The following STARD9 variants were observed in gnomAD, a reference collection of about 807,000 sequenced individuals.
STARD9 encodes stAR-related lipid transfer protein 9.
Under a neutral mutation model 399.8 loss-of-function variants are expected in STARD9, and 346 were observed. The observed-to-expected ratio is 0.87, with a 90% confidence interval of 0.79 to 0.95. The LOEUF is 0.95. Ranked by LOEUF, STARD9 falls within the 40% of genes least tolerant of loss-of-function variation. The probability of loss-of-function intolerance (pLI) is 0.00; values close to 1 mark genes in which losing one functional copy is unlikely to be tolerated. For synonymous variants in STARD9, 2,203 were observed against 2,143.5 expected, an observed-to-expected ratio of 1.03 and a Z score of -0.77; for missense variants, 5,832 against 5,667.5, an observed-to-expected ratio of 1.03 and a Z score of -0.93.
At position 42,717,930 on chromosome 15, in the gene STARD9, C is replaced by T. The variant is rs2061379722; in HGVS notation, c.13560-47C>T. Reference sequence around the variant, plus strand: ...GCCCCTCCTTTGTGACCCTTAGAGCCCATTTTTGACCCCTTTCTATTTTCT... The same window carrying T: ...GCCCCTCCTTTGTGACCCTTAGAGCTCATTTTTGACCCCTTTCTATTTTCT... On this transcript the variant is annotated intron_variant, in intron 29 of 32. Transcript: ENST00000290607. The T allele has an allele frequency of 2.0e-6, 3 of 1,523,342 alleles. No homozygotes were observed. In the East Asian group the frequency reaches 7.3e-5, roughly 37 times the overall value. 94.4% of individuals were successfully genotyped at this position (1,523,342 alleles called of 1,614,324 possible).
chr15:42,596,899 A>T (rs944106731), intron 3 of STARD9, among the ~76,000 whole-genome samples: 2 of 152,220 alleles, frequency 1.3e-5, no homozygotes, highest in Non-Finnish European at 2.9e-5. Context: ...TTCCCTTTCT[A>T]TACCTCCCAC....
At chr15:42,605,357 C>T (rs1024610780) in intron 3 of STARD9, among the ~76,000 whole-genome samples, 4 of 152,084 alleles carry the variant, frequency 2.6e-5, no homozygotes, top group Non-Finnish European at 4.4e-5. Context: ...GACTCACTTC[C>T]GCAACAGACT....
chr15:42,594,122 T>C (rs1046882904), intron 3 of STARD9, among the ~76,000 whole-genome samples: 1 of 152,144 alleles, frequency 6.6e-6, no homozygotes, highest in Non-Finnish European at 1.5e-5. Context: ...GAGTGTGCTA[T>C]AGATTCTTTG....
At chr15:42,712,954 A>T (rs1297775027) in intron 26 of STARD9, among the ~76,000 whole-genome samples, 3 of 152,166 alleles carry the variant, frequency 2.0e-5, no homozygotes, top group African/African-American at 7.2e-5. Context: ...TTCCATATGA[A>T]TTTTAGGATC....
chr15:42,589,822 G>T (rs541447268), intron 3 of STARD9, among the ~76,000 whole-genome samples: 1 of 151,568 alleles, frequency 6.6e-6, no homozygotes, highest in Admixed American at 6.6e-5. Context: ...GGCCAGCCTG[G>T]TCTCAAACTC....
At chr15:42,576,927 T>G (rs911696760) in intron 1 of STARD9, among the ~76,000 whole-genome samples, 2 of 152,208 alleles carry the variant, frequency 1.3e-5, no homozygotes, top group Non-Finnish European at 2.9e-5. Context: ...ATGCCTGACC[T>G]GCTGCGTTTT....
At position 42,656,376 on chromosome 15, in the gene STARD9, C is replaced by T. The variant is rs528087643; in HGVS notation, c.702+3784C>T. Among the ~76,000 whole-genome samples the T allele has an allele frequency of 4.3e-4, 55 of 127,386 alleles. 1 individual carries two copies. Among genetic ancestry groups the T allele is most frequent in the African/African-American group, 1.6e-3 (52 of 32,750 alleles). 83.6% of individuals were successfully genotyped at this position (127,386 alleles called of 152,430 possible). The stretch of plus-strand genomic sequence containing the variant: ...AAAAAAAAAAAAAAAAAGATGTTGC[C>T]GTGGATATGGTGAAAAGGGAACGCT... On this transcript the variant is annotated intron_variant, in intron 9 of 32. Transcript: ENST00000290607.
At chr15:42,700,797 G>T (rs986196209) in intron 26 of STARD9, among the ~76,000 whole-genome samples, 1 of 151,962 alleles carries the variant, frequency 6.6e-6, no homozygotes, top group African/African-American at 2.4e-5. Context: ...GTCTATTTTT[G>T]CTTTTGTTAC....
rs1450445087 is a variant in STARD9 at position 42,687,114 on chromosome 15, T to G, written c.5536T>G (p.Ser1846Ala). The part of the protein sequence containing the change: ...PGNITEESHD[S>A]VYSSVTQNRH... ...AAATATTACAGAAGAAAGCCATGAT[T>G]CAGTTTATTCTTCTGTTACTCAGAA... The change falls in exon 23 of 33, where the codon TCA becomes GCA. Residue 1846 changes from serine (S) to alanine (A), a missense_variant. By Grantham distance (99) the Ser-to-Ala change is moderately conservative. Coordinates refer to ENST00000290607, the MANE Select transcript of STARD9 (RefSeq NM_020759.3). The G allele has an allele frequency of 6.5e-7, 1 of 1,537,292 alleles. No homozygotes were observed. The highest frequency in any genetic ancestry group is 2.4e-5 in the East Asian group (1 of 40,922).
chr15:42,577,701 T>C (rs185767771), intron 1 of STARD9, among the ~76,000 whole-genome samples: 7 of 152,168 alleles, frequency 4.6e-5, no homozygotes, highest in Admixed American at 2.0e-4. Context: ...ATAAACCCAG[T>C]GTGGCCCCAG....
At chr15:42,681,335 T>C (rs146992306) in intron 20 of STARD9, 87 bp from the exon 21 acceptor site, 2 of 1,329,440 alleles carry the variant, frequency 1.5e-6, no homozygotes, top group Non-Finnish European at 2.0e-6. Context: ...TTGCAGGGGC[T>C]CTCTTGGAAG....
chr15:42,579,433 TA>T (rs2058123538), intron 1 of STARD9, among the ~76,000 whole-genome samples: 1 of 152,168 alleles, frequency 6.6e-6, no homozygotes, highest in Non-Finnish European at 1.5e-5. Flanking sequence ...AAAACATATC[TA>T]AAAATAGGTC....
At chr15:42,646,809 A>G (rs533155156) in intron 7 of STARD9, among the ~76,000 whole-genome samples, 1 of 152,332 alleles carries the variant, frequency 6.6e-6, no homozygotes, top group East Asian at 1.9e-4. Flanking sequence ...GGCTTTCGAC[A>G]TGCCTTCCTT....
In STARD9 at chr15:42,693,264, A is replaced by G. The variant is rs1168482205; in HGVS notation, c.11686A>G (p.Arg3896Gly). The part of the protein sequence containing the change: ...LGPTSALFVD[R>G]ASSPILTLSA... ...CCCCACAAGTGCTTTGTTCGTGGACAGGGCCTCCTCCCCAATCCTCACTCT... is the reference window on the plus strand; with the variant it reads ...CCCCACAAGTGCTTTGTTCGTGGACGGGGCCTCCTCCCCAATCCTCACTCT... Residue 3896 changes from arginine (R) to glycine (G), a missense_variant, in exon 23 of 33, where the codon AGG becomes GGG. Arg to Gly is a moderately radical substitution (Grantham distance 125, BLOSUM62 -2). Transcript: ENST00000290607. The G allele has an allele frequency of 4.6e-5, 71 of 1,536,964 alleles. No homozygotes were observed. The highest frequency in any genetic ancestry group is 5.8e-5 in the Non-Finnish European group (67 of 1,146,888).
intron 3 of STARD9, among the ~76,000 whole-genome samples, chr15:42,627,825 C>G (rs1274187149): frequency 6.6e-6 from 1 of 152,164 alleles, no homozygotes; most frequent in Admixed American, 6.5e-5. Flanking sequence ...TTATGTTTGT[C>G]TCTTGATGGA....
chr15:42,691,684 G>A lies in STARD9; in HGVS notation c.10106G>A (p.Gly3369Glu). 2.6e-6 allele frequency: 4 copies of A among 1,537,270 alleles called. No homozygotes were observed. Among genetic ancestry groups the A allele is most frequent in the Non-Finnish European group, 3.5e-6 (4 of 1,146,914 alleles). Reference sequence around the variant, plus strand: ...CCACATCTCAGGGGCTATTCCTCAGGAAAGTCAGTGGCAAGAACATCTCTG... The same window carrying A: ...CCACATCTCAGGGGCTATTCCTCAGAAAAGTCAGTGGCAAGAACATCTCTG... ...WNPHLRGYSS[G>E]KSVARTSLQA... is the part of the protein sequence containing the mutation. Residue 3369 changes from glycine to glutamate, a missense_variant, in exon 23 of 33, where the codon GGA becomes GAA. By Grantham distance (98) the Gly-to-Glu change is moderately conservative. Coordinates refer to ENST00000290607, the MANE Select transcript of STARD9 (RefSeq NM_020759.3).
At chr15:42,639,863 CAAA>C (rs964883921) in intron 7 of STARD9, among the ~76,000 whole-genome samples, 5 of 113,634 alleles carry the variant, frequency 4.4e-5, no homozygotes, top group Admixed American at 9.3e-5. Flanking sequence ...GACGCCATCT[CAAA>C]AAAAAAAAAA....
intron 13 of STARD9, among the ~76,000 whole-genome samples, chr15:42,664,824 A>ACACACACACACACACACC (rs1491413451): frequency 2.1e-5 from 3 of 144,586 alleles, no homozygotes; most frequent in African/African-American, 8.1e-5. Flanking sequence ...ACACACACAC[A>ACACACACACACACACACC]CCCCATACGT....
chr15:42,631,589 A>AT (rs2059333478), intron 3 of STARD9, among the ~76,000 whole-genome samples: 1 of 152,094 alleles, frequency 6.6e-6, no homozygotes, highest in Non-Finnish European at 1.5e-5. Flanking sequence ...CCAAAAAAAA[A>AT]AAAGAAATTT....
Sources: allele counts gnomAD v4.1 joint callset (sites outside exome capture counted in the v4.1 genomes callset), GRCh38; gene constraint gnomAD v4.1.1; transcripts MANE v1.5; gene names NCBI Gene and HGNC (gene_info 2026-07-23, HGNC 2026-07-21).